The following DNAI1 variants were observed in gnomAD, a reference collection of about 807,000 sequenced individuals.
DNAI1 encodes dynein axonemal intermediate chain 1, also known as dynein, axonemal, intermediate polypeptide 1.
In DNAI1, 67 loss-of-function variants were observed where a neutral mutation model predicts 92.0. The ratio of observed to expected loss-of-function variants is 0.73; its 90% CI spans 0.60 to 0.89. The LOEUF (loss-of-function observed/expected upper bound fraction) is 0.89. DNAI1 is among the 40% of genes least tolerant of loss of function. DNAI1 has a pLI of 0.00. For synonymous variants in DNAI1, 323 were observed against 319.6 expected (o/e 1.01, Z -0.11); for missense variants, 839 against 866.6 (o/e 0.97, Z 0.40).
intron 13 of DNAI1, among the ~76,000 whole-genome samples, chr9:34,510,807 C>CT (rs1825051474): frequency 6.6e-6 from 1 of 152,170 alleles, no homozygotes; most frequent in Non-Finnish European, 1.5e-5. Context: ...AAGGGACCAC[C>CT]TTTACACAGA....
At chr9:34,496,195 G>A (rs1046652774) in intron 9 of DNAI1, among the ~76,000 whole-genome samples, 5 of 152,214 alleles carry the variant, frequency 3.3e-5, no homozygotes, top group African/African-American at 4.8e-5. Context: ...GGTTGCCACC[G>A]GGTTCTAATT....
rs201974671 is a variant in DNAI1 at position 34,491,531 on chromosome 9, A to G, written c.658A>G (p.Asn220Asp). 37 of 1,614,180 alleles carry G rather than the reference A, an allele frequency of 2.3e-5. No homozygotes were observed. In the East Asian group the frequency reaches 8.0e-4, roughly 35 times the overall value. ...CCAGACGGAGCCTCCTCCCAGGACAAACTTTTCAGCCACAGCCAATCAGGT... is the reference window on the plus strand; with the variant it reads ...CCAGACGGAGCCTCCTCCCAGGACAGACTTTTCAGCCACAGCCAATCAGGT... ...ECQTEPPPRT[N>D]FSATANQWEI... The change falls in exon 8 of 20, where the codon AAC becomes GAC. Residue 220 changes from asparagine (N) to aspartate (D), a missense_variant. By Grantham distance (23) the Asn-to-Asp change is conservative. Coordinates refer to ENST00000242317, the MANE Select transcript of DNAI1 (RefSeq NM_012144.4).
At chr9:34,510,866 G>GCATAA (rs1330368224) in intron 13 of DNAI1, among the ~76,000 whole-genome samples, 4 of 152,234 alleles carry the variant, frequency 2.6e-5, no homozygotes, top group Non-Finnish European at 4.4e-5. Flanking sequence ...ATGCCTCACA[G>GCATAA]GCTCTGTGGC....
chr9:34,466,402 A>G (rs1233450531), intron 1 of DNAI1, among the ~76,000 whole-genome samples: 1 of 152,232 alleles, frequency 6.6e-6, no homozygotes, highest in Non-Finnish European at 1.5e-5. Flanking sequence ...TGGAGTGTAT[A>G]TGGACAAAAT....
chr9:34,509,064 T>A (rs1444962339), intron 13 of DNAI1, among the ~76,000 whole-genome samples: 4 of 152,160 alleles, frequency 2.6e-5, no homozygotes, highest in Non-Finnish European at 5.9e-5. Flanking sequence ...TCTCTGGAGT[T>A]CCTACTGGGG....
Position 34,490,105 on chromosome 9 carries a change from CAG to C in DNAI1, c.484_485del (p.Asp162CysfsTer8). The C allele has an allele frequency of 6.2e-7, 1 of 1,614,026 alleles. No homozygotes were observed. The highest frequency in any genetic ancestry group is 8.5e-7 in the Non-Finnish European group (1 of 1,180,000). The stretch of plus-strand genomic sequence containing the variant: ...TTAGAAACTGAGCCTGGGAGTCAAA[CAG>C]ATGTGCCTGCAGCTGGGGTACAGTA... On this transcript the variant is annotated frameshift_variant, in exon 6 of 20. Transcript: ENST00000242317. LOFTEE classifies it high-confidence loss of function.
At chr9:34,474,857 G>A (rs1824209952) in intron 1 of DNAI1, among the ~76,000 whole-genome samples, 4 of 152,088 alleles carry the variant, frequency 2.6e-5, no homozygotes. Flanking sequence ...GTGAGCCACC[G>A]TGTCCGGCAA....
intron 1 of DNAI1, among the ~76,000 whole-genome samples, chr9:34,468,530 TA>T (rs1000161908): frequency 6.6e-6 from 1 of 151,478 alleles, no homozygotes; most frequent in South Asian, 2.1e-4. Flanking sequence ...GTTTTTCTTG[TA>T]AAAAGAGAGC....
At chr9:34,471,232 G>GA (rs1209178026) in intron 1 of DNAI1, among the ~76,000 whole-genome samples, 1 of 150,558 alleles carries the variant, frequency 6.6e-6, no homozygotes, top group Non-Finnish European at 1.5e-5. Context: ...TTCGAGACCA[G>GA]ACTAGGCAAC....
chr9:34,509,561 C>T (rs1825023798), intron 13 of DNAI1, among the ~76,000 whole-genome samples: 1 of 151,832 alleles, frequency 6.6e-6, no homozygotes, highest in African/African-American at 2.4e-5. Flanking sequence ...GAGCATAGTT[C>T]GAAAATTGCT....
chr9:34,494,730 C>T (rs886956100), intron 9 of DNAI1, among the ~76,000 whole-genome samples: 7 of 152,202 alleles, frequency 4.6e-5, no homozygotes, highest in Non-Finnish European at 7.3e-5. Flanking sequence ...CTGGACTCTT[C>T]CAGCTTAGCT....
chr9:34,505,070 C>T (rs568616443), intron 12 of DNAI1, among the ~76,000 whole-genome samples: 19 of 152,158 alleles, frequency 1.2e-4, no homozygotes, highest in Non-Finnish European at 2.4e-4. Flanking sequence ...CCCTAAATGT[C>T]TACTATATTA....
At chr9:34,490,186 A>G in intron 6 of DNAI1, 62 bp downstream of exon 6, 1 of 1,613,330 alleles carries the variant, frequency 6.2e-7, no homozygotes, top group Non-Finnish European at 8.5e-7. Context: ...TGGAGGCTTC[A>G]TGGGTAACTT....
At chr9:34,471,693 C>T (rs1224519193) in intron 1 of DNAI1, among the ~76,000 whole-genome samples, 1 of 151,924 alleles carries the variant, frequency 6.6e-6, no homozygotes, top group Non-Finnish European at 1.5e-5. Context: ...TTGCTTGAAT[C>T]CAGGAGGCGG....
Position 34,512,320 on chromosome 9 carries a change from T to A in DNAI1, c.1402-17T>A. 6.2e-7 allele frequency: 1 copy of A among 1,612,864 alleles called. No homozygotes were observed. The highest frequency in any genetic ancestry group is 1.1e-5 in the South Asian group (1 of 91,052). ...CCACGTGCCCTCCCCCCCACATCCC[T>A]CTGTCTGTGGCTACAGAGAAAGCTG... On this transcript the variant is annotated splice_polypyrimidine_tract_variant and intron_variant, in intron 14 of 19. Transcript: ENST00000242317.
intron 9 of DNAI1, among the ~76,000 whole-genome samples, chr9:34,494,744 T>C (rs1824681783): frequency 6.6e-6 from 1 of 152,180 alleles, no homozygotes; most frequent in Non-Finnish European, 1.5e-5. Context: ...CTTAGCTGAC[T>C]TGGAAGACTA....
At chr9:34,513,966 T>C (rs1825122305) in intron 16 of DNAI1, among the ~76,000 whole-genome samples, 3 of 152,192 alleles carry the variant, frequency 2.0e-5, no homozygotes, top group Admixed American at 2.0e-4. Context: ...AGGTGGGATG[T>C]TATCACTGTT....
At chr9:34,462,670 A>G (rs1159055793) in intron 1 of DNAI1, among the ~76,000 whole-genome samples, 1 of 152,202 alleles carries the variant, frequency 6.6e-6, no homozygotes, top group Non-Finnish European at 1.5e-5. Flanking sequence ...GAATTATAAC[A>G]AGGAAATGTA....
intron 14 of DNAI1, 31 bp from the exon 15 acceptor site, chr9:34,512,306 C>T (rs1348640761): frequency 2.0e-5 from 32 of 1,608,626 alleles, no homozygotes; most frequent in Admixed American, 3.3e-5. Flanking sequence ...CACGTGCCCT[C>T]CCCCCCACAT....
Sources: allele counts gnomAD v4.1 joint callset (sites outside exome capture counted in the v4.1 genomes callset), GRCh38; gene constraint gnomAD v4.1.1; transcripts MANE v1.5; gene names NCBI Gene and HGNC (gene_info 2026-07-23, HGNC 2026-07-21).